Variants in TM4SF4 observed in about 807,000 individuals in gnomAD.
TM4SF4 encodes the protein transmembrane 4 L six family member 4.
In TM4SF4, 24 loss-of-function variants were observed where a neutral mutation model predicts 24.1. The observed-to-expected ratio is 1.00, with a 90% confidence interval of 0.72 to 1.40. TM4SF4 has a LOEUF of 1.40. Ranked by LOEUF, TM4SF4 falls within the 40% of genes most tolerant of loss-of-function variation. The probability of loss-of-function intolerance (pLI) is 0.00; values close to 1 mark genes in which losing one functional copy is unlikely to be tolerated. For synonymous variants in TM4SF4, 113 were observed against 97.0 expected, an observed-to-expected ratio of 1.17 and a Z score of -0.97; for missense variants, 254 against 254.2, an observed-to-expected ratio of 1.00 and a Z score of 0.01.
At chr3:149,475,976 C>A in intron 2 of TM4SF4, 64 bp downstream of exon 2, 1 of 1,409,082 alleles carries the variant, frequency 7.1e-7, no homozygotes, top group Non-Finnish European at 9.9e-7. Context: ...TTGTGCTGGG[C>A]AGCATGGGGA....
At chr3:149,476,467 A>G (rs1733929502) in intron 2 of TM4SF4, among the ~76,000 whole-genome samples, 1 of 121,476 alleles carries the variant, frequency 8.2e-6, no homozygotes, top group Admixed American at 8.3e-5. Flanking sequence ...TCATGCGGCC[A>G]TCGATCTTGA....
intron 4 of TM4SF4, 37 bp from the exon 5 acceptor site, chr3:149,502,639 A>T (rs368400534): frequency 2.6e-6 from 4 of 1,556,126 alleles, no homozygotes; most frequent in Non-Finnish European, 3.5e-6. Flanking sequence ...TACATAAATC[A>T]TGACATCATA....
chr3:149,499,281 A>G (rs190309985), intron 4 of TM4SF4, among the ~76,000 whole-genome samples: 162 of 152,358 alleles, frequency 1.1e-3, no homozygotes, highest in Admixed American at 2.0e-3. Context: ...GTACAGTGTC[A>G]GCGATAGTAC....
chr3:149,495,745 GA>G, intron 3 of TM4SF4: 1 of 232,942 alleles, frequency 4.3e-6, no homozygotes, highest in South Asian at 6.3e-5. Flanking sequence ...TTGCTGAGCT[GA>G]AGGAAAAGAT....
At chr3:149,481,576 T>C (rs1480527400) in intron 2 of TM4SF4, among the ~76,000 whole-genome samples, 1 of 152,134 alleles carries the variant, frequency 6.6e-6, no homozygotes, top group African/African-American at 2.4e-5. Context: ...CTTCAGGTAA[T>C]CTCTATTCCT....
chr3:149,482,839 C>T (rs1442625740), intron 2 of TM4SF4, among the ~76,000 whole-genome samples: 4 of 152,302 alleles, frequency 2.6e-5, no homozygotes, highest in African/African-American at 7.2e-5. Context: ...CCACCAAGCC[C>T]GGCCTTTCTT....
intron 3 of TM4SF4, among the ~76,000 whole-genome samples, chr3:149,493,693 T>C (rs1217662927): frequency 6.6e-6 from 1 of 152,198 alleles, no homozygotes; most frequent in Admixed American, 6.5e-5. Context: ...GCACATGGTC[T>C]TTGCCCTTGG....
intron 3 of TM4SF4, among the ~76,000 whole-genome samples, chr3:149,497,339 T>G (rs1434725382): frequency 1.3e-5 from 2 of 152,264 alleles, no homozygotes; most frequent in East Asian, 3.8e-4. Context: ...TGCTAGTACC[T>G]GTACTCTTAT....
At chr3:149,495,621 C>T (rs1222003920) in intron 3 of TM4SF4, 7 of 336,132 alleles carry the variant, frequency 2.1e-5, no homozygotes, top group Non-Finnish European at 3.6e-5. Context: ...AAATGACCCA[C>T]CAATGGGAGC....
rs774886612 is a variant in TM4SF4, at chr3:149,487,569, A to G, written c.265-50A>G. On this transcript the variant is annotated intron_variant, in intron 2 of 4. Transcript: ENST00000305354. ...CAGGTGGATTAGGTTTGTTGAGTGTATCCTCTGGACCACCTGGAGAATGTG... is the reference window on the plus strand; with the variant it reads ...CAGGTGGATTAGGTTTGTTGAGTGTGTCCTCTGGACCACCTGGAGAATGTG... 17 of 1,610,040 alleles carry G rather than the reference A, an allele frequency of 1.1e-5. No individual in the cohort carries two copies. In the East Asian group the frequency reaches 1.1e-4, roughly 11 times the overall value.
chr3:149,476,255 T>C (rs886422038), intron 2 of TM4SF4, among the ~76,000 whole-genome samples: 2 of 152,156 alleles, frequency 1.3e-5, no homozygotes, highest in Non-Finnish European at 2.9e-5. Flanking sequence ...CATAAGAACT[T>C]GGACAAGTCA....
chr3:149,479,066 C>T (rs968234687), intron 2 of TM4SF4, among the ~76,000 whole-genome samples: 2 of 152,148 alleles, frequency 1.3e-5, no homozygotes, highest in South Asian at 4.1e-4. Flanking sequence ...TGCGCCTGGC[C>T]GATTGTTCTG....
chr3:149,495,025 C>A, intron 3 of TM4SF4: 1 of 227,324 alleles, frequency 4.4e-6, no homozygotes, highest in South Asian at 7.8e-5. Flanking sequence ...AAGCCGATAT[C>A]TCCATGGGCA....
chr3:149,478,320 T>C (rs759132585), intron 2 of TM4SF4, among the ~76,000 whole-genome samples: 5 of 152,126 alleles, frequency 3.3e-5, no homozygotes, highest in Non-Finnish European at 7.4e-5. Flanking sequence ...TAATTTTGTA[T>C]TTTTAGTAGA....
intron 3 of TM4SF4, among the ~76,000 whole-genome samples, chr3:149,497,522 C>G (rs1208703103): frequency 6.6e-6 from 1 of 152,126 alleles, no homozygotes; most frequent in Non-Finnish European, 1.5e-5. Flanking sequence ...ATGGAGGAAA[C>G]AAAGAGACCA....
chr3:149,475,061 G>A lies in TM4SF4; in HGVS notation c.174+10G>A. 1 of 1,539,406 alleles carries A rather than the reference G, an allele frequency of 6.5e-7. No individual in the cohort carries two copies. The highest frequency in any genetic ancestry group is 8.8e-7 in the Non-Finnish European group (1 of 1,132,534). On this transcript the variant is annotated intron_variant, in intron 1 of 4. Transcript: ENST00000305354. ...AGGAAGCGGTGTCTTGGTGAGTAGG[G>A]AAGCTTAAAATCCCCCTAAGGGAGA... is the stretch of plus-strand genomic sequence containing the variant.
intron 1 of TM4SF4, among the ~76,000 whole-genome samples, chr3:149,475,317 G>T (rs1418470963): frequency 6.6e-6 from 1 of 152,136 alleles, no homozygotes; most frequent in Non-Finnish European, 1.5e-5. Context: ...CGAAGTGAAG[G>T]TCGCATAGTT....
At chr3:149,492,770 A>G (rs1053704394) in intron 3 of TM4SF4, among the ~76,000 whole-genome samples, 9 of 152,190 alleles carry the variant, frequency 5.9e-5, no homozygotes, top group African/African-American at 2.2e-4. Context: ...AGCTAAGACC[A>G]TCTGGATTTG....
intron 3 of TM4SF4, among the ~76,000 whole-genome samples, chr3:149,489,235 GCCCCCATTGAGGCTCTT>G (rs1249803421): frequency 1.3e-5 from 2 of 152,126 alleles, no homozygotes; most frequent in African/African-American, 4.8e-5. Context: ...CCCACAACCC[GCCCCCATTGAGGCTCTT>G]CCCCTGACAG....
Sources: allele counts gnomAD v4.1 joint callset (sites outside exome capture counted in the v4.1 genomes callset), GRCh38; gene constraint gnomAD v4.1.1; transcripts MANE v1.5; gene names NCBI Gene and HGNC (gene_info 2026-07-23, HGNC 2026-07-21).